Variants in C2CD2 observed in about 807,000 individuals in gnomAD.
C2CD2 encodes the protein C2 domain-containing protein 2.
C2CD2 carries 43 observed loss-of-function variants against 74.3 expected under a neutral mutation model. That is an observed-to-expected ratio of 0.58 (90% CI 0.45 to 0.75). C2CD2 has a LOEUF of 0.75. C2CD2 is among the 30% of genes least tolerant of loss of function. The pLI, the probability that C2CD2 is intolerant of heterozygous loss-of-function variation, is 0.00. For missense variants in C2CD2, 801 were observed against 916.3 expected (o/e 0.87, Z 1.63); for synonymous variants, 422 against 390.7 (o/e 1.08, Z -0.94).
At chr21:41,938,713 T>G (rs2065329760) in intron 2 of C2CD2, among the ~76,000 whole-genome samples, 1 of 152,046 alleles carries the variant, frequency 6.6e-6, no homozygotes, top group African/African-American at 2.4e-5. Context: ...ATCCACGTTA[T>G]AGCCTATGTC....
rs1424983122 is a variant in C2CD2, at chr21:41,939,214, A to C, written c.378+2933T>G. On this transcript the variant is annotated intron_variant, in intron 2 of 13. Transcript: ENST00000380486. This position sits in a 1 kb window ranked among gnomAD's most constrained non-coding sequence, Gnocchi z 5.5. Reference sequence around the variant, plus strand: ...AATACGATGCTGTTTTTCACTTCTAATTTACATGTACTATTTCTGTCATGT... The same window carrying C: ...AATACGATGCTGTTTTTCACTTCTACTTTACATGTACTATTTCTGTCATGT... Among the ~76,000 whole-genome samples the C allele has an allele frequency of 6.6e-6, 1 of 152,162 alleles. No individual in the cohort carries two copies. The highest frequency in any genetic ancestry group is 1.9e-4 in the East Asian group (1 of 5,194).
chr21:41,948,870 CT>C (rs967927171), intron 1 of C2CD2, among the ~76,000 whole-genome samples: 3,161 of 80,512 alleles, frequency 0.039, 21 homozygotes, highest in African/African-American at 0.062. Context: ...CACACAGCAT[CT>C]TTTTTTTTTT....
At chr21:41,911,588 C>A (rs2065026485) in intron 7 of C2CD2, among the ~76,000 whole-genome samples, 2 of 151,898 alleles carry the variant, frequency 1.3e-5, no homozygotes, top group Admixed American at 1.3e-4. Flanking sequence ...GACAGGGTTT[C>A]ATTTACCATG....
intron 8 of C2CD2, among the ~76,000 whole-genome samples, chr21:41,909,089 C>T (rs912529198): frequency 6.6e-6 from 1 of 152,134 alleles, no homozygotes; most frequent in African/African-American, 2.4e-5. Flanking sequence ...TAAGACGATA[C>T]ATTTTATGTT....
chr21:41,915,983 T>C (rs530445228), intron 5 of C2CD2, among the ~76,000 whole-genome samples: 40 of 152,256 alleles, frequency 2.6e-4, no homozygotes, highest in Non-Finnish European at 4.4e-4. Context: ...AGCACTGATT[T>C]GACTGAGCAC....
intron 1 of C2CD2, chr21:41,942,991 G>A: frequency 1.0e-6 from 1 of 978,904 alleles, no homozygotes; most frequent in Non-Finnish European, 1.2e-6. Flanking sequence ...GTCTGTTCTG[G>A]TTCTTCCAGT....
chr21:41,918,903 T>C lies in C2CD2; in HGVS notation c.550A>G (p.Ser184Gly). The C allele has an allele frequency of 6.2e-7, 1 of 1,614,212 alleles. No homozygotes were observed. Among genetic ancestry groups the C allele is most frequent in the South Asian group, 1.1e-5 (1 of 91,084 alleles). The change falls in exon 4 of 14, where the codon AGT (serine) becomes GGT (glycine). Residue 184 changes from serine (S) to glycine (G), a missense_variant. Transcript: ENST00000380486. ...ATATTAACGGCCATTTCCGGCACAC[T>C]GATGAAAGACCAGCTAATCTGGAGG... is the stretch of plus-strand genomic sequence containing the variant. The part of the protein sequence containing the change: ...EDLQISWSFI[S>G]VPEMAVNIQP...
Position 41,953,507 on chromosome 21 carries a change from G to A in C2CD2, c.142C>T (p.Arg48Trp). 2 of 1,485,012 alleles carry A rather than the reference G, an allele frequency of 1.3e-6. No individual in the cohort carries two copies. Among genetic ancestry groups the A allele is most frequent in the East Asian group, 2.9e-5 (1 of 34,450 alleles). 92.0% of individuals were successfully genotyped at this position (1,485,012 alleles called of 1,614,324 possible). ...LARARPQPQR[R>W]AVEPGEGPRP... Reference sequence around the variant, plus strand: ...GGCCCCTCTCCAGGCTCCACCGCCCGCCGCTGGGGCTGGGGTCGCGCCCTG... The same window carrying A: ...GGCCCCTCTCCAGGCTCCACCGCCCACCGCTGGGGCTGGGGTCGCGCCCTG... The change falls in exon 1 of 14, where the codon CGG (arginine) becomes TGG (tryptophan). Residue 48 changes from arginine to tryptophan, a missense_variant. Physicochemically the swap from Arg to Trp is moderately radical, Grantham distance 101. Transcript: ENST00000380486.
intron 4 of C2CD2, among the ~76,000 whole-genome samples, chr21:41,918,625 G>A (rs1046207529): frequency 1.3e-5 from 2 of 152,084 alleles, no homozygotes; most frequent in African/African-American, 4.8e-5. Flanking sequence ...TGCAGGTGCA[G>A]CTCAGGTGGG....
At chr21:41,933,106 C>G (rs1438624142) in intron 2 of C2CD2, among the ~76,000 whole-genome samples, 2 of 150,050 alleles carry the variant, frequency 1.3e-5, no homozygotes, top group Admixed American at 6.7e-5. Flanking sequence ...AAATGCCAAC[C>G]ACATGTCCCT....
At chr21:41,925,010 A>G (rs1030620717) in intron 2 of C2CD2, among the ~76,000 whole-genome samples, 1 of 152,176 alleles carries the variant, frequency 6.6e-6, no homozygotes, top group Non-Finnish European at 1.5e-5. Context: ...CTGAAGCCCC[A>G]TCACTAAGGT....
rs1328348429 is a variant in C2CD2, at chr21:41,942,216, G to A, written c.309C>T (p.Asp103=). 1 of 1,549,686 alleles carries A rather than the reference G, an allele frequency of 6.5e-7. No homozygotes were observed. Among genetic ancestry groups the A allele is most frequent in the Non-Finnish European group, 8.7e-7 (1 of 1,146,830 alleles). ...CCAGCTCCAGTGCCTGCTGCCGCGG[G>A]TCCTCCTCAAAGGACAGGAAAGGTG... The part of the protein sequence containing the change: ...GGPPFLSFEE[D]PRQQALELVV... The change falls in exon 2 of 14, where the codon GAC becomes GAT. Residue 103 remains aspartate, a synonymous_variant. Coordinates refer to ENST00000380486, the MANE Select transcript of C2CD2 (RefSeq NM_015500.2).
At chr21:41,940,989 A>G (rs1259790291) in intron 2 of C2CD2, among the ~76,000 whole-genome samples, 5 of 149,318 alleles carry the variant, frequency 3.3e-5, no homozygotes, top group African/African-American at 1.3e-4. Flanking sequence ...ATATATAATG[A>G]TAATAATAAT....
At chr21:41,930,135 G>A (rs1335352530) in intron 2 of C2CD2, among the ~76,000 whole-genome samples, 1 of 149,654 alleles carries the variant, frequency 6.7e-6, no homozygotes, top group Non-Finnish European at 1.5e-5. Context: ...CTTCCGGTGG[G>A]AGAGAGTTTC....
Position 41,888,950 on chromosome 21 carries a change from G to GCCT in C2CD2, c.*171_*173dup. 1 of 617,602 alleles carries GCCT rather than the reference G, an allele frequency of 1.6e-6. No individual in the cohort carries two copies. Among genetic ancestry groups the GCCT allele is most frequent in the South Asian group, 2.0e-5 (1 of 50,506 alleles). The allele number at this position is 617,602 out of a possible 1,614,324, so 38.3% of individuals were successfully genotyped here. On this transcript the variant is annotated 3_prime_UTR_variant, in exon 14 of 14. Transcript: ENST00000380486. ...GGCTTTTTTGTCCTCTCTGGGAGAA[G>GCCT]CCTCCTGGCTGGAGACTCAGATTTT... is the stretch of plus-strand genomic sequence containing the variant.
intron 6 of C2CD2, among the ~76,000 whole-genome samples, chr21:41,912,642 C>T (rs144002215): frequency 0.012 from 1,803 of 152,288 alleles, 31 homozygotes; most frequent in African/African-American, 0.04. Flanking sequence ...AGGCGCACGC[C>T]TCCACGCTCA....
In C2CD2 at chr21:41,907,263, A is replaced by G. The variant is rs2064974319; in HGVS notation, c.1144-97T>C. On this transcript the variant is annotated intron_variant, in intron 9 of 13. Transcript: ENST00000380486. ...CCTTCTTGTGAAATAACCATAATTC[A>G]TAATTCCTTCCCTTAAGGTCACTTA... The G allele has an allele frequency of 4.1e-6, 4 of 970,254 alleles. No individual in the cohort carries two copies. The African/African-American group carries it at 4.8e-5, about 12-fold the overall frequency. 60.1% of individuals were successfully genotyped at this position (970,254 alleles called of 1,614,324 possible).
intron 2 of C2CD2, among the ~76,000 whole-genome samples, chr21:41,941,917 G>A (rs559762702): frequency 4.6e-5 from 7 of 152,284 alleles, no homozygotes; most frequent in South Asian, 2.1e-4. Flanking sequence ...GGGTTCATCC[G>A]CACCGGAGCG....
At chr21:41,932,738 G>C in intron 2 of C2CD2, among the ~76,000 whole-genome samples, 1 of 149,850 alleles carries the variant, frequency 6.7e-6, no homozygotes, top group South Asian at 2.1e-4. Flanking sequence ...ATCTATCGTT[G>C]GTCCTGTGGG....
Sources: gnomAD v4.1 joint callset for allele counts (sites outside exome capture counted in the v4.1 genomes callset) on GRCh38, gnomAD v4.1.1 for gene constraint, Gnocchi (gnomAD v3.1) non-coding constraint, MANE v1.5 for transcripts, NCBI Gene and HGNC (gene_info 2026-07-23, HGNC 2026-07-21) for gene names.